The following JAG2 variants were observed in gnomAD, a reference collection of about 807,000 sequenced individuals.
The protein encoded by JAG2 is protein jagged-2.
Under a neutral mutation model 141.7 loss-of-function variants are expected in JAG2, and 46 were observed. The observed-to-expected ratio is 0.32, with a 90% CI of 0.26 to 0.42. The LOEUF is 0.42. JAG2 is among the 10% of genes least tolerant of loss of function. JAG2 has a pLI of 1.00. For synonymous variants in JAG2, 862 were observed against 763.5 expected (o/e 1.13, Z -2.13); for missense variants, 1,500 against 1,817.5 (o/e 0.83, Z 3.18).
chr14:105,168,209 A>G (rs1378295148), intron 1 of JAG2, 102 bp from the exon 2 acceptor site: 36 of 771,446 alleles, frequency 4.7e-5, no homozygotes, highest in Non-Finnish European at 5.2e-5. Flanking sequence ...GCCCCCACCC[A>G]GCCGCGCCCG....
chr14:105,147,987 G>T (rs1185487334), intron 17 of JAG2, 99 bp from the exon 18 acceptor site: 2 of 1,090,780 alleles, frequency 1.8e-6, no homozygotes, highest in East Asian at 5.2e-5. Context: ...GACAGACCCG[G>T]GGGCAGGGGG....
intron 5 of JAG2, 127 bp downstream of exon 5, chr14:105,155,435 G>A (rs1222706363): frequency 1.3e-5 from 14 of 1,044,364 alleles, no homozygotes; most frequent in East Asian, 4.7e-5. Context: ...CTCAGGGCCC[G>A]GCTCTCACAG....
intron 3 of JAG2, among the ~76,000 whole-genome samples, chr14:105,156,553 A>C (rs1888589089): frequency 6.6e-6 from 1 of 152,020 alleles, no homozygotes; most frequent in African/African-American, 2.4e-5. Flanking sequence ...TCTAAGCCTC[A>C]CTTTAAGTAA....
chr14:105,143,121 C>G lies in JAG2; in HGVS notation c.3291G>C (p.Ala1097=), dbSNP rs199706267. 3.6e-5 allele frequency: 58 copies of G among 1,598,930 alleles called. No individual in the cohort carries two copies. The highest frequency in any genetic ancestry group is 2.0e-4 in the African/African-American group (15 of 75,046). The change falls in exon 26 of 26, where the codon GCG becomes GCC. Residue 1097 remains alanine, a synonymous_variant. Transcript: ENST00000331782. ...LCGAFSVLWL[A]CVVLCVWWTR... Reference sequence around the variant, plus strand: ...TCCACCACACGCACAGGACCACGCACGCCAGCCACAGCACGCTGAAGGCAC... The same window carrying G: ...TCCACCACACGCACAGGACCACGCAGGCCAGCCACAGCACGCTGAAGGCAC...
Position 105,168,119 on chromosome 14 carries a change from G to A in JAG2, c.67-12C>T, listed in dbSNP as rs765766205. On this transcript the variant is annotated splice_polypyrimidine_tract_variant and intron_variant, in intron 1 of 25. Transcript: ENST00000331782. The stretch of plus-strand genomic sequence containing the variant: ...ATGGGCCGCGCCGCCTAAAAATAAG[G>A]CAGCGGGAGAGCGGAGGGAGGCGCG... 4 of 1,528,002 alleles carry A rather than the reference G, an allele frequency of 2.6e-6. No homozygotes were observed. In the South Asian group the frequency reaches 3.6e-5, roughly 14 times the overall value. 94.7% of individuals were successfully genotyped at this position (1,528,002 alleles called of 1,614,324 possible). A position where few individuals can be genotyped will look rare whatever the true frequency, so the allele number is the denominator to read the frequency against.
chr14:105,148,019 G>A (rs1888283418), intron 17 of JAG2, 97 bp downstream of exon 17: 3 of 1,176,072 alleles, frequency 2.6e-6, no homozygotes, highest in Non-Finnish European at 2.5e-6. Flanking sequence ...TGGCAGGTGT[G>A]GCCCTCAAAA....
chr14:105,142,928 C>G lies in JAG2; in HGVS notation c.3484G>C (p.Asp1162His). 6.2e-7 allele frequency: 1 copy of G among 1,608,218 alleles called. No homozygotes were observed. ...KNFTPPPRRA[D>H]EALPGPAGHA... ...CCGGCCGGCCCGGGCAGCGCCTCGT[C>G]CGCCCTGCGCGGCGGCGGCGTGAAG... is the stretch of plus-strand genomic sequence containing the variant. The change falls in exon 26 of 26, where the codon GAC becomes CAC. Residue 1162 changes from aspartate (D) to histidine (H), a missense_variant. Around this residue, in one of 3 missense-constraint regions of JAG2, gnomAD observed 425 missense variants for 441.0 expected, o/e 0.96. Coordinates refer to ENST00000331782, the MANE Select transcript of JAG2 (RefSeq NM_002226.5).
intron 2 of JAG2, among the ~76,000 whole-genome samples, chr14:105,161,132 G>A (rs1595187822): frequency 6.7e-6 from 1 of 150,176 alleles, no homozygotes; most frequent in Admixed American, 6.6e-5. Flanking sequence ...GTCTGTTGGG[G>A]GTCTGAGTGA....
rs1236836681 is a variant in JAG2, at chr14:105,152,077, G to A, written c.920-20C>T. On this transcript the variant is annotated intron_variant, in intron 6 of 25. Coordinates refer to ENST00000331782, the MANE Select transcript of JAG2 (RefSeq NM_002226.5). ...TCAGGTCTGGGGGCAGGGGTGGGATGCTCAGGGGAAAAGCCGGCCCCCCGC... is the reference window on the plus strand; with the variant it reads ...TCAGGTCTGGGGGCAGGGGTGGGATACTCAGGGGAAAAGCCGGCCCCCCGC... The A allele has an allele frequency of 6.2e-7, 1 of 1,613,120 alleles. No individual in the cohort carries two copies. The highest frequency in any genetic ancestry group is 8.5e-7 in the Non-Finnish European group (1 of 1,179,938).
At position 105,167,374 on chromosome 14, in the gene JAG2, C is replaced by A. The variant is rs1276646595; in HGVS notation, c.417+383G>T. Among the ~76,000 whole-genome samples, 2 of 152,048 alleles carry A rather than the reference C, an allele frequency of 1.3e-5. No homozygotes were observed. Among genetic ancestry groups the A allele is most frequent in the Admixed American group, 6.5e-5 (1 of 15,276 alleles). Reference sequence around the variant, plus strand: ...CGGGCCCGGGGCGGCTCAGTCAGGGCCTGCCCTAGACCAGCCCCAGCACGC... The same window carrying A: ...CGGGCCCGGGGCGGCTCAGTCAGGGACTGCCCTAGACCAGCCCCAGCACGC... On this transcript the variant is annotated intron_variant, in intron 2 of 25. Coordinates refer to ENST00000331782, the MANE Select transcript of JAG2 (RefSeq NM_002226.5). The surrounding 1 kb of genome is among the most constrained non-coding windows in gnomAD (Gnocchi z 4.8).
At chr14:105,144,157 TC>T (rs1463794728) in intron 24 of JAG2, among the ~76,000 whole-genome samples, 2 of 151,860 alleles carry the variant, frequency 1.3e-5, no homozygotes, top group Admixed American at 1.3e-4. Context: ...TCTTGTCAGT[TC>T]CCAGCCCCCA....
chr14:105,161,399 C>A (rs1888743417), intron 2 of JAG2, among the ~76,000 whole-genome samples: 1 of 152,180 alleles, frequency 6.6e-6, no homozygotes. Flanking sequence ...CACCCGGTCT[C>A]CCGGCACAGC....
In JAG2 at chr14:105,151,248, G is replaced by A. The variant is rs755538130; in HGVS notation, c.1267+35C>T. The A allele has an allele frequency of 7.1e-5, 113 of 1,586,268 alleles. No individual in the cohort carries two copies. In the Middle Eastern group the frequency reaches 3.4e-3, roughly 47 times the overall value. ...GCAGCCCCCGCAGCCCGCATGCGCG[G>A]CCCACGTTCCCATGCACTCGCTCGG... On this transcript the variant is annotated intron_variant, in intron 9 of 25. Coordinates refer to ENST00000331782, the MANE Select transcript of JAG2 (RefSeq NM_002226.5).
rs753384469 is a variant in JAG2 at position 105,148,228 on chromosome 14, G to C, written c.2136C>G (p.Arg712=). The C allele has an allele frequency of 9.0e-6, 14 of 1,561,442 alleles. No individual in the cohort carries two copies. The highest frequency in any genetic ancestry group is 2.7e-5 in the African/African-American group (2 of 73,472). Reference sequence around the variant, plus strand: ...AGGTGTAGGCATCGCACTGGAACTCGCCTGTTGGCACATGGGCCGCTCAGC... The same window carrying C: ...AGGTGTAGGCATCGCACTGGAACTCCCCTGTTGGCACATGGGCCGCTCAGC... ...DGWKGKTCHS[R]EFQCDAYTCS... is the part of the protein sequence containing the mutation. The change falls in exon 17 of 26, where the codon CGC becomes CGG. Residue 712 remains arginine, a splice_region_variant and synonymous_variant. Coordinates refer to ENST00000331782, the MANE Select transcript of JAG2 (RefSeq NM_002226.5).
At chr14:105,158,290 C>T (rs999082684) in intron 2 of JAG2, among the ~76,000 whole-genome samples, 8 of 152,180 alleles carry the variant, frequency 5.3e-5, no homozygotes, top group Non-Finnish European at 1.2e-4. Context: ...CCAGAGGCCC[C>T]AACAGGCCGG....
rs587681994 is a variant in JAG2 at position 105,150,651 on chromosome 14, C to T, written c.1555G>A (p.Gly519Ser). ...CCCTGGGGGCAGTGGCAGTGGAAGC[C>T]GTCGGCCAGGTCCTCGCAGAGGCCG... ...SGGLCEDLADGFHCHCPQGFS... is the reference protein window; with the variant it reads ...SGGLCEDLADSFHCHCPQGFS... The change falls in exon 12 of 26, where the codon GGC (glycine) becomes AGC (serine). Residue 519 changes from glycine to serine, a missense_variant. Coordinates refer to ENST00000331782, the MANE Select transcript of JAG2 (RefSeq NM_002226.5). 1.4e-5 allele frequency: 22 copies of T among 1,549,810 alleles called. No homozygotes were observed. The highest frequency in any genetic ancestry group is 1.7e-4 in the Middle Eastern group (1 of 5,968).
intron 25 of JAG2, 151 bp from the exon 26 acceptor site, chr14:105,143,321 G>T (rs1403831896): frequency 1.5e-6 from 2 of 1,293,506 alleles, no homozygotes; most frequent in Non-Finnish European, 1.1e-6. Context: ...CAGGACGGGG[G>T]CTGGGAAGGT....
intron 12 of JAG2, among the ~76,000 whole-genome samples, chr14:105,149,525 C>G (rs994088732): frequency 6.6e-6 from 1 of 151,984 alleles, no homozygotes; most frequent in South Asian, 2.1e-4. Context: ...TGGGCCCCCA[C>G]CCCCACCTCC....
In JAG2 at chr14:105,149,365, G is replaced by A. The variant is rs748777857; in HGVS notation, c.1603-45C>T. 9.3e-6 allele frequency: 15 copies of A among 1,611,400 alleles called. No individual in the cohort carries two copies. The East Asian group carries it at 2.9e-4, about 31-fold the overall frequency. On this transcript the variant is annotated intron_variant, in intron 12 of 25. Coordinates refer to ENST00000331782, the MANE Select transcript of JAG2 (RefSeq NM_002226.5). ...TGTGAGAGCCTAGGCCCAGGCCCAG[G>A]CCGGGAACACAGGCCAGGCCTCTGT...
Sources: allele counts gnomAD v4.1 joint callset (sites outside exome capture counted in the v4.1 genomes callset), GRCh38; gene constraint gnomAD v4.1.1; regional missense constraint gnomAD v4.1.1; non-coding constraint Gnocchi (gnomAD v3.1); transcripts MANE v1.5; gene names NCBI Gene and HGNC (gene_info 2026-07-23, HGNC 2026-07-21).